Variants in FAM120A observed in about 807,000 individuals in gnomAD.
The protein encoded by FAM120A is family with sequence similarity 120 member A, also known as constitutive coactivator of PPAR-gamma-like protein 1.
A neutral mutation model predicts 109.7 loss-of-function variants in FAM120A; 15 were observed. The observed-to-expected ratio is 0.14, with a 90% confidence interval of 0.09 to 0.21. FAM120A has a LOEUF of 0.21. Among genes scored for constraint, FAM120A ranks in the 10% least tolerant of loss-of-function variants. The pLI is 1.00. For synonymous variants in FAM120A, 493 were observed against 572.8 expected (o/e 0.86, Z 1.99); for missense variants, 899 against 1,439.3 (o/e 0.62, Z 6.07).
intron 5 of FAM120A, among the ~76,000 whole-genome samples, chr9:93,515,088 T>G (rs1158290879): frequency 6.9e-6 from 1 of 145,272 alleles, no homozygotes; most frequent in African/African-American, 2.4e-5. Flanking sequence ...AAATTACTCA[T>G]CCTGTATATG....
chr9:93,489,712 C>T (rs1364330782), intron 3 of FAM120A, among the ~76,000 whole-genome samples: 1 of 152,166 alleles, frequency 6.6e-6, no homozygotes, highest in East Asian at 1.9e-4. Flanking sequence ...GTACAGAATA[C>T]TCATATGTGT....
At chr9:93,546,399 T>C (rs1277152327) in intron 11 of FAM120A, among the ~76,000 whole-genome samples, 1 of 152,210 alleles carries the variant, frequency 6.6e-6, no homozygotes, top group Non-Finnish European at 1.5e-5. Flanking sequence ...GATGAGCTGC[T>C]GTTGCACTAT....
chr9:93,452,467 C>T lies in FAM120A; in HGVS notation c.474+78C>T, dbSNP rs372565267. The T allele has an allele frequency of 2.6e-6, 4 of 1,547,596 alleles. No homozygotes were observed. The African/African-American group carries it at 5.4e-5, about 21-fold the overall frequency. On this transcript the variant is annotated intron_variant, in intron 1 of 17. Transcript: ENST00000277165. The surrounding 1 kb of genome is among the most constrained non-coding windows in gnomAD (Gnocchi z 7.0). ...TCCCCCTTCCCAGGGCGCAGAATGT[C>T]GCCCGGCCGTGGCGGCGCTGGGGGC...
chr9:93,541,748 G>T (rs546197276), intron 10 of FAM120A, among the ~76,000 whole-genome samples: 1 of 152,198 alleles, frequency 6.6e-6, no homozygotes, highest in Non-Finnish European at 1.5e-5. Flanking sequence ...CAGGCTTCAC[G>T]TAAGGGGACA....
At position 93,516,186 on chromosome 9, in the gene FAM120A, C is replaced by T; in HGVS notation, c.1335C>T (p.Pro445=). 1 of 1,614,012 alleles carries T rather than the reference C, an allele frequency of 6.2e-7. No homozygotes were observed. Among genetic ancestry groups the T allele is most frequent in the Non-Finnish European group, 8.5e-7 (1 of 1,179,880 alleles). The change falls in exon 7 of 18, where the codon CCC becomes CCT. Residue 445 remains proline (P), a synonymous_variant. Coordinates refer to ENST00000277165, the MANE Select transcript of FAM120A (RefSeq NM_014612.5). The part of the protein sequence containing the change: ...SPINPAQSGS[P]NHVDSAYFPG... Reference sequence around the variant, plus strand: ...TCAACCCGGCCCAGAGCGGCAGCCCCAACCACGTGGATTCCGCCTACTTCC... The same window carrying T: ...TCAACCCGGCCCAGAGCGGCAGCCCTAACCACGTGGATTCCGCCTACTTCC...
At chr9:93,464,498 T>C (rs1857928137) in intron 1 of FAM120A, among the ~76,000 whole-genome samples, 1 of 152,212 alleles carries the variant, frequency 6.6e-6, no homozygotes, top group Admixed American at 6.5e-5. Flanking sequence ...AGAAGTGTTG[T>C]GATTCCCATC....
At chr9:93,480,413 G>C (rs533938031) in intron 3 of FAM120A, among the ~76,000 whole-genome samples, 1 of 152,190 alleles carries the variant, frequency 6.6e-6, no homozygotes, top group Admixed American at 6.5e-5. Flanking sequence ...GCTGGAGTGC[G>C]ACCTCTGTCT....
Position 93,451,904 on chromosome 9 carries a change from C to CCCG in FAM120A, c.-3_-1dup, listed in dbSNP as rs1184193662. 8 of 1,273,586 alleles carry CCCG rather than the reference C, an allele frequency of 6.3e-6. No individual in the cohort carries two copies. In the Admixed American group the frequency reaches 2.1e-4, roughly 34 times the overall value. 78.9% of individuals were successfully genotyped at this position (1,273,586 alleles called of 1,614,324 possible). A position where few individuals can be genotyped will look rare whatever the true frequency, so the allele number is the denominator to read the frequency against. ...CCCCGCCCGCACCCGCGCCCGCGCCCCCGCCGCCGCCATGGGCGTGCAGGG... is the reference window on the plus strand; with the variant it reads ...CCCCGCCCGCACCCGCGCCCGCGCCCCCGCCGCCGCCGCCATGGGCGTGCAGGG... On this transcript the variant is annotated 5_prime_UTR_variant, in exon 1 of 18. Transcript: ENST00000277165.
chr9:93,480,443 G>A (rs1393964540), intron 3 of FAM120A, among the ~76,000 whole-genome samples: 1 of 152,190 alleles, frequency 6.6e-6, no homozygotes. Flanking sequence ...CCCAGGTCCT[G>A]CAGAACAGGG....
chr9:93,486,127 C>T (rs546892857), intron 3 of FAM120A, among the ~76,000 whole-genome samples: 40 of 152,210 alleles, frequency 2.6e-4, no homozygotes, highest in African/African-American at 9.6e-4. Context: ...CGTGTACCAC[C>T]ACACTGGGCT....
rs1002457688 is a variant in FAM120A, at chr9:93,564,154, A to C, written c.3046-75A>C. 4.8e-6 allele frequency: 7 copies of C among 1,458,732 alleles called. No homozygotes were observed. The African/African-American group carries it at 9.8e-5, about 21-fold the overall frequency. 90.4% of individuals were successfully genotyped at this position (1,458,732 alleles called of 1,614,324 possible). On this transcript the variant is annotated intron_variant, in intron 17 of 17. Transcript: ENST00000277165. Reference sequence around the variant, plus strand: ...TCTTGAATCTGCAGAGAGTGTCATTAGGCCAAAATTGGCATCCTCTCTCTT... The same window carrying C: ...TCTTGAATCTGCAGAGAGTGTCATTCGGCCAAAATTGGCATCCTCTCTCTT...
Position 93,498,746 on chromosome 9 carries a change from C to G in FAM120A, c.934-44C>G. The G allele has an allele frequency of 9.5e-7, 1 of 1,056,898 alleles. No individual in the cohort carries two copies. The highest frequency in any genetic ancestry group is 1.5e-6 in the Non-Finnish European group (1 of 671,678). 65.5% of individuals were successfully genotyped at this position (1,056,898 alleles called of 1,614,324 possible). ...TAAAAAACATTGTGATACACATGAC[C>G]AGTGGCACACTAATTTATGAAGGTT... On this transcript the variant is annotated intron_variant, in intron 4 of 17. Coordinates refer to ENST00000277165, the MANE Select transcript of FAM120A (RefSeq NM_014612.5). This position sits in a 1 kb window ranked among gnomAD's most constrained non-coding sequence, Gnocchi z 4.4.
At position 93,490,585 on chromosome 9, in the gene FAM120A, C is replaced by T. The variant is rs576236607; in HGVS notation, c.805-6886C>T. 2.6e-5 allele frequency among the ~76,000 whole-genome samples: 4 copies of T among 152,204 alleles called. No homozygotes were observed. In the East Asian group the frequency reaches 7.7e-4, roughly 29 times the overall value. On this transcript the variant is annotated intron_variant, in intron 3 of 17. Coordinates refer to ENST00000277165, the MANE Select transcript of FAM120A (RefSeq NM_014612.5). ...TGGTAACTTCATTTAAATGAATTCA[C>T]AGCTATAGAAAAAAATGTTTGATTT... is the stretch of plus-strand genomic sequence containing the variant.
chr9:93,529,972 TG>T (rs1399717991), intron 9 of FAM120A: 1 of 413,268 alleles, frequency 2.4e-6, no homozygotes, highest in African/African-American at 2.0e-5. Context: ...TTATCATTTG[TG>T]CTTAGAAAAT....
chr9:93,565,606 A>T lies in FAM120A; in HGVS notation c.*1066A>T, dbSNP rs1358188838. 1 of 152,310 alleles carries T rather than the reference A, an allele frequency of 6.6e-6. No homozygotes were observed. The highest frequency in any genetic ancestry group is 1.5e-5 in the Non-Finnish European group (1 of 68,004). 9.4% of individuals were successfully genotyped at this position (152,310 alleles called of 1,614,324 possible). ...ATATCAACATTACCCTGGTGTATTC[A>T]CTGCTGTATGCATTATTGTTCTTTG... On this transcript the variant is annotated 3_prime_UTR_variant, in exon 18 of 18. Transcript: ENST00000277165.
intron 3 of FAM120A, 87 bp downstream of exon 3, chr9:93,476,425 G>A (rs1445507781): frequency 4.6e-6 from 4 of 871,998 alleles, no homozygotes; most frequent in Non-Finnish European, 7.5e-6. Context: ...GCCCTTTATT[G>A]GTGATGCTAC....
intron 5 of FAM120A, among the ~76,000 whole-genome samples, chr9:93,503,094 T>C (rs1213594789): frequency 4.6e-5 from 7 of 152,210 alleles, no homozygotes; most frequent in Non-Finnish European, 5.9e-5. Flanking sequence ...ATGATTAACA[T>C]AGAAAACACC....
At chr9:93,545,034 G>C (rs1861831790) in intron 11 of FAM120A, among the ~76,000 whole-genome samples, 1 of 152,184 alleles carries the variant, frequency 6.6e-6, no homozygotes, top group South Asian at 2.1e-4. Flanking sequence ...ACCATCATCT[G>C]TTTTGATGTT....
At chr9:93,516,304 C>G (rs371590763) in intron 7 of FAM120A, 35 bp downstream of exon 7, 1 of 1,595,578 alleles carries the variant, frequency 6.3e-7, no homozygotes, top group Non-Finnish European at 8.6e-7. Context: ...TGCTTCCTGG[C>G]GGGTAGTGAC....
Sources: allele counts gnomAD v4.1 joint callset (sites outside exome capture counted in the v4.1 genomes callset), GRCh38; gene constraint gnomAD v4.1.1; non-coding constraint Gnocchi (gnomAD v3.1); transcripts MANE v1.5; gene names NCBI Gene and HGNC (gene_info 2026-07-23, HGNC 2026-07-21).